PTPRT: variants seen among roughly 807,000 people sequenced by gnomAD.
The protein encoded by PTPRT is receptor-type tyrosine-protein phosphatase T.
In PTPRT, 56 loss-of-function variants were observed where a neutral mutation model predicts 176.8. The observed-to-expected ratio is 0.32, with a 90% confidence interval of 0.26 to 0.40. The LOEUF is 0.40. Ranked by LOEUF, PTPRT falls within the 10% of genes least tolerant of loss-of-function variation. The probability of loss-of-function intolerance (pLI) is 1.00; values close to 1 mark genes in which losing one functional copy is unlikely to be tolerated. For synonymous variants in PTPRT, 783 were observed against 739.0 expected, an observed-to-expected ratio of 1.06 and a Z score of -0.96; for missense variants, 1,540 against 1,908.2, an observed-to-expected ratio of 0.81 and a Z score of 3.60.
chr20:42,616,348 G>A (rs1294538257), intron 7 of PTPRT, among the ~76,000 whole-genome samples: 1 of 121,274 alleles, frequency 8.2e-6, no homozygotes, highest in East Asian at 2.0e-4. Context: ...TAGCCTTGTA[G>A]TATAGTTTGA....
intron 2 of PTPRT, among the ~76,000 whole-genome samples, chr20:42,880,529 G>A (rs2078998149): frequency 6.6e-6 from 1 of 152,190 alleles, no homozygotes; most frequent in Non-Finnish European, 1.5e-5. Flanking sequence ...GATACCTCCA[G>A]CACTCACATC....
chr20:42,307,478 T>A (rs2057560519), intron 12 of PTPRT, among the ~76,000 whole-genome samples: 1 of 152,128 alleles, frequency 6.6e-6, no homozygotes, highest in Non-Finnish European at 1.5e-5. Context: ...CCTGATGGGG[T>A]ATCCAAGACC....
intron 7 of PTPRT, among the ~76,000 whole-genome samples, chr20:42,577,837 CTGTG>C (rs11468271): frequency 0.022 from 3,121 of 139,202 alleles, 93 homozygotes; most frequent in African/African-American, 0.078. Flanking sequence ...CTGAGCAAGG[CTGTG>C]TGTGTGTGTG....
rs148489144 is a variant in PTPRT, at chr20:42,906,102, A to G, written c.89-20170T>C. Among the ~76,000 whole-genome samples, 408 of 152,356 alleles carry G rather than the reference A, an allele frequency of 2.7e-3. 1 individual carries two copies. The highest frequency in any genetic ancestry group is 4.5e-3 in the Non-Finnish European group (309 of 68,042). On this transcript the variant is annotated intron_variant, in intron 1 of 30. Transcript: ENST00000373187. ...AACAAAAACAAAAACCCGAGACCAC[A>G]GCAGGCAGAAACACACAAGCTGCTG... is the stretch of plus-strand genomic sequence containing the variant.
At chr20:42,830,176 A>G (rs1347161694) in intron 2 of PTPRT, among the ~76,000 whole-genome samples, 2 of 152,246 alleles carry the variant, frequency 1.3e-5, no homozygotes, top group Non-Finnish European at 1.5e-5. Flanking sequence ...TCCTTGAAGA[A>G]CATTAATGCA....
intron 12 of PTPRT, among the ~76,000 whole-genome samples, chr20:42,301,265 T>C (rs561705097): frequency 6.6e-6 from 1 of 152,320 alleles, no homozygotes; most frequent in African/African-American, 2.4e-5. Flanking sequence ...AACATCACTT[T>C]TGTGGTATTC....
intron 2 of PTPRT, among the ~76,000 whole-genome samples, chr20:42,854,538 G>T (rs1468255528): frequency 6.6e-6 from 1 of 152,208 alleles, no homozygotes; most frequent in East Asian, 1.9e-4. Context: ...CATGTGCCTT[G>T]CACCCACCAC....
At chr20:42,351,992 G>T in intron 10 of PTPRT, 92 bp downstream of exon 10, 1 of 1,231,634 alleles carries the variant, frequency 8.1e-7, no homozygotes, top group South Asian at 1.3e-5. Context: ...CATATCACAG[G>T]GTGACAATTC....
intron 2 of PTPRT, among the ~76,000 whole-genome samples, chr20:42,821,331 T>C (rs974151841): frequency 6.6e-6 from 1 of 152,146 alleles, no homozygotes; most frequent in East Asian, 1.9e-4. Context: ...TCTCAATAGG[T>C]ACAGAAAAGG....
intron 1 of PTPRT, among the ~76,000 whole-genome samples, chr20:42,986,729 T>C (rs1370591208): frequency 2.6e-5 from 4 of 152,232 alleles, no homozygotes; most frequent in Non-Finnish European, 5.9e-5. Flanking sequence ...ATGAAACTCC[T>C]ACAAGGTAGA....
At chr20:42,904,672 T>A (rs1227309210) in intron 1 of PTPRT, among the ~76,000 whole-genome samples, 1 of 152,140 alleles carries the variant, frequency 6.6e-6, no homozygotes, top group Non-Finnish European at 1.5e-5. Context: ...TCTGTTTTCA[T>A]GCCCAAATGT....
At chr20:42,228,750 T>G (rs995103825) in intron 15 of PTPRT, among the ~76,000 whole-genome samples, 1 of 152,218 alleles carries the variant, frequency 6.6e-6, no homozygotes, top group African/African-American at 2.4e-5. Flanking sequence ...TGTTCATTCA[T>G]CTAATCAACA....
intron 7 of PTPRT, among the ~76,000 whole-genome samples, chr20:42,635,137 CTCT>C (rs2074566588): frequency 6.6e-6 from 1 of 152,068 alleles, no homozygotes; most frequent in Non-Finnish European, 1.5e-5. Context: ...GGCAAGCATC[CTCT>C]TGGTCTGAGA....
intron 7 of PTPRT, among the ~76,000 whole-genome samples, chr20:42,507,138 G>C (rs1398024556): frequency 6.6e-6 from 1 of 152,086 alleles, no homozygotes; most frequent in Non-Finnish European, 1.5e-5. Context: ...TCCATGGGCA[G>C]GTTAGAAGGC....
At chr20:42,821,215 G>A (rs1224412261) in intron 2 of PTPRT, among the ~76,000 whole-genome samples, 1 of 152,142 alleles carries the variant, frequency 6.6e-6, no homozygotes, top group African/African-American at 2.4e-5. Context: ...TATCCACCAT[G>A]ATCAAGTTGG....
Position 42,556,918 on chromosome 20 carries a change from G to A in PTPRT, c.1154-84356C>T, listed in dbSNP as rs147764286. On this transcript the variant is annotated intron_variant, in intron 7 of 30. Coordinates refer to ENST00000373187, the MANE Select transcript of PTPRT (RefSeq NM_007050.6). ...GCCTTCAATCAGAAAGAGCTACTCC[G>A]CACCAGGGTCTGAGACCACCACCAG... 5.6e-3 allele frequency among the ~76,000 whole-genome samples: 858 copies of A among 152,216 alleles called. 4 individuals are homozygous for A. Among genetic ancestry groups the A allele is most frequent in the African/African-American group, 0.016 (671 of 41,532 alleles).
At chr20:42,279,039 C>T (rs552843131) in intron 13 of PTPRT, among the ~76,000 whole-genome samples, 2 of 152,120 alleles carry the variant, frequency 1.3e-5, no homozygotes, top group East Asian at 3.9e-4. Flanking sequence ...TTTTAAATTG[C>T]TCTTTTTTGC....
chr20:42,450,854 G>T (rs539575353), intron 8 of PTPRT, among the ~76,000 whole-genome samples: 1 of 152,132 alleles, frequency 6.6e-6, no homozygotes, highest in Non-Finnish European at 1.5e-5. Context: ...GACATTAAGC[G>T]ATTATACTCA....
chr20:42,207,508 G>GGT (rs1368877924), intron 15 of PTPRT, among the ~76,000 whole-genome samples: 13 of 88,022 alleles, frequency 1.5e-4, no homozygotes, highest in African/African-American at 6.0e-4. Flanking sequence ...GAAGCCTCAG[G>GGT]AGCCGATGCG....
Sources: allele counts gnomAD v4.1 joint callset (sites outside exome capture counted in the v4.1 genomes callset), GRCh38; gene constraint gnomAD v4.1.1; transcripts MANE v1.5; gene names NCBI Gene and HGNC (gene_info 2026-07-23, HGNC 2026-07-21).